The following SETD3 variants were observed in gnomAD, a reference collection of about 807,000 sequenced individuals.
SETD3 encodes the protein actin-histidine N-methyltransferase.
SETD3 carries 19 observed loss-of-function variants against 63.0 expected under a neutral mutation model. That is an observed-to-expected ratio of 0.30 (90% CI 0.21 to 0.44). The LOEUF (loss-of-function observed/expected upper bound fraction) is 0.44. Ranked by LOEUF, SETD3 falls within the 20% of genes least tolerant of loss-of-function variation. The pLI, the probability that SETD3 is intolerant of heterozygous loss-of-function variation, is 1.00. For missense variants in SETD3, 587 were observed against 728.5 expected (o/e 0.81, Z 2.24); for synonymous variants, 286 against 264.1 (o/e 1.08, Z -0.80).
chr14:99,468,877 A>C (rs1005432855), intron 1 of SETD3, among the ~76,000 whole-genome samples: 15 of 152,318 alleles, frequency 9.8e-5, no homozygotes, highest in Middle Eastern at 3.4e-3. Flanking sequence ...CCTTGAGGAC[A>C]TACAGCCTAG....
At chr14:99,426,037 A>G (rs754146226) in intron 6 of SETD3, among the ~76,000 whole-genome samples, 5 of 152,162 alleles carry the variant, frequency 3.3e-5, no homozygotes, top group Non-Finnish European at 7.3e-5. Context: ...GGTGTGGAAA[A>G]CAGTTCAAAC....
chr14:99,463,689 A>C, intron 2 of SETD3, 111 bp from the exon 3 acceptor site: 1 of 829,292 alleles, frequency 1.2e-6, no homozygotes, highest in East Asian at 2.7e-5. Flanking sequence ...GGGTTGGTTT[A>C]TTTTTAAAAG....
intron 2 of SETD3, among the ~76,000 whole-genome samples, chr14:99,463,959 GAAGTTAATAGTAA>G (rs1352304187): frequency 5.3e-5 from 8 of 152,284 alleles, no homozygotes; most frequent in East Asian, 1.9e-4. Context: ...ATGGCAAAAA[GAAGTTAATAGTAA>G]AAGTTAATAG....
chr14:99,399,017 C>G lies in SETD3; in HGVS notation c.1447G>C (p.Ala483Pro), dbSNP rs752483990. Residue 483 changes from alanine to proline, a missense_variant, in exon 13 of 13, where the codon GCT (alanine) becomes CCT (proline). Coordinates refer to ENST00000331768, the MANE Select transcript of SETD3 (RefSeq NM_032233.3). ...EILEKAVKSAAVNREYYRQQM... is the reference protein window; with the variant it reads ...EILEKAVKSAPVNREYYRQQM... ...TGGCGATAGTATTCCCGGTTGACAG[C>G]TGCACTCTTTACTGCTTTTTCCAAA... is the stretch of plus-strand genomic sequence containing the variant. 1 of 1,614,210 alleles carries G rather than the reference C, an allele frequency of 6.2e-7. No individual in the cohort carries two copies. The highest frequency in any genetic ancestry group is 2.2e-5 in the East Asian group (1 of 44,888).
chr14:99,470,803 C>G (rs1349697573), intron 1 of SETD3, among the ~76,000 whole-genome samples: 2 of 152,146 alleles, frequency 1.3e-5, no homozygotes, highest in Non-Finnish European at 2.9e-5. Context: ...TTCTGGGACA[C>G]CCCTAACTCA....
chr14:99,460,305 A>C (rs975022420), intron 4 of SETD3, among the ~76,000 whole-genome samples: 2 of 152,162 alleles, frequency 1.3e-5, no homozygotes, highest in African/African-American at 4.8e-5. Context: ...AGGGGGCCCA[A>C]ATAACACCCC....
At chr14:99,410,694 G>C (rs1050348871) in intron 8 of SETD3, among the ~76,000 whole-genome samples, 2 of 152,188 alleles carry the variant, frequency 1.3e-5, no homozygotes, top group East Asian at 1.9e-4. Context: ...TGAGTGGCTA[G>C]GAAATTAGTT....
intron 6 of SETD3, among the ~76,000 whole-genome samples, chr14:99,437,803 C>T (rs1893572226): frequency 6.6e-6 from 1 of 152,216 alleles, no homozygotes; most frequent in Non-Finnish European, 1.5e-5. Flanking sequence ...CTCAAAGAAA[C>T]TCCATTTCAC....
chr14:99,434,861 A>C (rs1429304584), intron 6 of SETD3, among the ~76,000 whole-genome samples: 18 of 148,794 alleles, frequency 1.2e-4, no homozygotes, highest in Admixed American at 2.0e-4. Flanking sequence ...AAAAAAAAAA[A>C]AAAAAAAAAA....
rs768827211 is a variant in SETD3 at position 99,399,074 on chromosome 14, C to A, written c.1390G>T (p.Ala464Ser). 3 of 1,613,982 alleles carry A rather than the reference C, an allele frequency of 1.9e-6. No individual in the cohort carries two copies. The highest frequency in any genetic ancestry group is 2.2e-5 in the East Asian group (1 of 44,886). Reference sequence around the variant, plus strand: ...TTCTCACCTAAGCGCAATTTGATGGCCATTTTTGCACGAACAGAAAGATCG... The same window carrying A: ...TTCTCACCTAAGCGCAATTTGATGGACATTTTTGCACGAACAGAAAGATCG... ...NHDLSVRAKM[A>S]IKLRLGEKEI... Residue 464 changes from alanine to serine, a missense_variant, in exon 13 of 13, where the codon GCC (alanine) becomes TCC (serine). Ala to Ser is a moderately conservative substitution (Grantham distance 99). Transcript: ENST00000331768.
intron 12 of SETD3, 43 bp from the exon 13 acceptor site, chr14:99,399,168 G>A (rs1346251219): frequency 6.4e-7 from 1 of 1,573,068 alleles, no homozygotes; most frequent in Non-Finnish European, 8.7e-7. Flanking sequence ...GTCTAAACCA[G>A]CAAAACTATA....
chr14:99,415,045 T>C (rs921544540), intron 6 of SETD3, among the ~76,000 whole-genome samples: 2 of 152,196 alleles, frequency 1.3e-5, no homozygotes, highest in Non-Finnish European at 2.9e-5. Context: ...AACAAAAGCT[T>C]GTGCTCAGTG....
At chr14:99,469,903 A>G (rs1895606189) in intron 1 of SETD3, among the ~76,000 whole-genome samples, 1 of 152,212 alleles carries the variant, frequency 6.6e-6, no homozygotes, top group African/African-American at 2.4e-5. Context: ...AGTAGCCCAC[A>G]TTTCAACTTC....
Position 99,405,381 on chromosome 14 carries a change from A to G in SETD3, c.925-10T>C. 5.6e-6 allele frequency: 9 copies of G among 1,609,428 alleles called. No homozygotes were observed. The highest frequency in any genetic ancestry group is 6.8e-6 in the Non-Finnish European group (8 of 1,178,210). ...CATAAAAAATGTAAATCTGAGATGC[A>G]GTAAAGAAAAAAGAAAAGGGCATTA... On this transcript the variant is annotated splice_polypyrimidine_tract_variant and intron_variant, in intron 9 of 12. Coordinates refer to ENST00000331768, the MANE Select transcript of SETD3 (RefSeq NM_032233.3).
chr14:99,481,431 C>A, upstream of SETD3: 1 of 398,712 alleles, frequency 2.5e-6, no homozygotes, highest in Non-Finnish European at 4.4e-6. Flanking sequence ...ACAAGATGGC[C>A]GCAGTCGGCA....
intron 2 of SETD3, among the ~76,000 whole-genome samples, chr14:99,464,202 C>T (rs991666101): frequency 6.6e-6 from 1 of 152,176 alleles, no homozygotes; most frequent in Non-Finnish European, 1.5e-5. Context: ...GACCAACACC[C>T]GAGGCTGAGG....
upstream of SETD3, among the ~76,000 whole-genome samples, chr14:99,483,520 A>C (rs1454133950): frequency 6.6e-6 from 1 of 152,244 alleles, no homozygotes; most frequent in Non-Finnish European, 1.5e-5. Flanking sequence ...ACTGCGCTCC[A>C]GCCTGGGCGA....
At position 99,458,663 on chromosome 14, in the gene SETD3, C is replaced by T. The variant is rs182567591; in HGVS notation, c.419-128G>A. 126 of 1,177,606 alleles carry T rather than the reference C, an allele frequency of 1.1e-4. No individual in the cohort carries two copies. In the East Asian group the frequency reaches 3.0e-3, roughly 28 times the overall value. 72.9% of individuals were successfully genotyped at this position (1,177,606 alleles called of 1,614,324 possible). The stretch of plus-strand genomic sequence containing the variant: ...CATTTAAAGTCAGGTACAGGCTGGG[C>T]GCAGTGGCTCACACCTGTAATCCTA... On this transcript the variant is annotated intron_variant, in intron 5 of 12. Transcript: ENST00000331768.
At chr14:99,454,928 G>GC (rs1249480201) in intron 6 of SETD3, among the ~76,000 whole-genome samples, 3 of 152,214 alleles carry the variant, frequency 2.0e-5, no homozygotes, top group Non-Finnish European at 4.4e-5. Context: ...CAGGCTAGTT[G>GC]CTTTGATAAA....
Sources: gnomAD v4.1 joint callset for allele counts (sites outside exome capture counted in the v4.1 genomes callset) on GRCh38, gnomAD v4.1.1 for gene constraint, MANE v1.5 for transcripts, NCBI Gene and HGNC (gene_info 2026-07-23, HGNC 2026-07-21) for gene names.